Variants in WASL observed in about 807,000 individuals in gnomAD.
WASL encodes WASP like actin nucleation promoting factor.
In WASL, 20 loss-of-function variants were observed where a neutral mutation model predicts 55.5. The observed-to-expected ratio is 0.36, with a 90% confidence interval of 0.25 to 0.52. The LOEUF (loss-of-function observed/expected upper bound fraction) is 0.52. WASL is among the 20% of genes least tolerant of loss of function. The pLI is 0.92. For missense variants in WASL, 504 were observed against 622.5 expected (o/e 0.81, Z 2.03); for synonymous variants, 249 against 217.6 (o/e 1.14, Z -1.27).
chr7:123,730,718 C>G lies in WASL; in HGVS notation c.117+17900G>C, dbSNP rs143152986. Reference sequence around the variant, plus strand: ...ATCGTATGTGAATGGTCTAAATACACCAATTAAAAGAAGACTGTCAGAATG... The same window carrying G: ...ATCGTATGTGAATGGTCTAAATACAGCAATTAAAAGAAGACTGTCAGAATG... On this transcript the variant is annotated intron_variant, in intron 1 of 10. Transcript: ENST00000223023. 6.3e-3 allele frequency among the ~76,000 whole-genome samples: 964 copies of G among 152,248 alleles called. 9 individuals carry two copies. Among genetic ancestry groups the G allele is most frequent in the African/African-American group, 0.021 (892 of 41,534 alleles).
chr7:123,740,371 A>G (rs1383016917), intron 1 of WASL, among the ~76,000 whole-genome samples: 1 of 152,114 alleles, frequency 6.6e-6, no homozygotes, highest in Non-Finnish European at 1.5e-5. Flanking sequence ...ATGTTTTCTA[A>G]TTAGTTTTAC....
In WASL at chr7:123,706,776, A is replaced by G. The variant is rs752754944; in HGVS notation, c.303T>C (p.Asn101=). The change falls in exon 3 of 11, where the codon AAT becomes AAC. Residue 101 remains asparagine (N), a synonymous_variant. Transcript: ENST00000223023. ...EQELYNNFVY[N]SPRGYFHTFA... is the part of the protein sequence containing the mutation. Reference sequence around the variant, plus strand: ...AGGTATGAAAATATCCTCTAGGACTATTATATACAAAGTTATTGTATAGCT... The same window carrying G: ...AGGTATGAAAATATCCTCTAGGACTGTTATATACAAAGTTATTGTATAGCT... 1.9e-6 allele frequency: 3 copies of G among 1,581,440 alleles called. No individual in the cohort carries two copies. Among genetic ancestry groups the G allele is most frequent in the Non-Finnish European group, 1.7e-6 (2 of 1,169,394 alleles).
At chr7:123,689,295 A>C in intron 9 of WASL, 145 bp from the exon 10 acceptor site, 1 of 594,850 alleles carries the variant, frequency 1.7e-6, no homozygotes, top group Non-Finnish European at 2.9e-6. Flanking sequence ...AAGATTAATC[A>C]AATTAACAAG....
intron 1 of WASL, among the ~76,000 whole-genome samples, chr7:123,725,280 A>G (rs566950248): frequency 6.6e-6 from 1 of 152,352 alleles, no homozygotes; most frequent in South Asian, 2.1e-4. Context: ...ATGTTCTATT[A>G]AATTACTCAA....
intron 1 of WASL, among the ~76,000 whole-genome samples, chr7:123,725,105 T>C (rs1804019668): frequency 6.6e-6 from 1 of 152,206 alleles, no homozygotes; most frequent in Admixed American, 6.5e-5. Flanking sequence ...CCCACTAATT[T>C]TCAAAGTACA....
intron 10 of WASL, among the ~76,000 whole-genome samples, chr7:123,686,948 T>C (rs904620231): frequency 1.3e-5 from 2 of 152,136 alleles, no homozygotes; most frequent in Non-Finnish European, 1.5e-5. Context: ...AATTCAGACC[T>C]CTCCTGTGAC....
intron 1 of WASL, among the ~76,000 whole-genome samples, chr7:123,719,045 T>A (rs969377189): frequency 4.6e-5 from 7 of 152,230 alleles, no homozygotes; most frequent in African/African-American, 1.7e-4. Flanking sequence ...TCCACAGCGA[T>A]GTTCCACTAA....
chr7:123,726,174 G>A (rs191868725), intron 1 of WASL, among the ~76,000 whole-genome samples: 6 of 152,120 alleles, frequency 3.9e-5, no homozygotes, highest in African/African-American at 1.2e-4. Flanking sequence ...GAATGGGACA[G>A]GTCAGACTCC....
At chr7:123,699,082 G>A (rs1803535798) in intron 5 of WASL, among the ~76,000 whole-genome samples, 1 of 152,136 alleles carries the variant, frequency 6.6e-6, no homozygotes, top group Non-Finnish European at 1.5e-5. Context: ...AGAATTAGGA[G>A]TATCAGAATT....
chr7:123,748,068 A>C (rs1269888395), intron 1 of WASL, among the ~76,000 whole-genome samples: 1 of 152,044 alleles, frequency 6.6e-6, no homozygotes, highest in Non-Finnish European at 1.5e-5. Flanking sequence ...TTTAACGAAG[A>C]GCAATAACAT....
intron 1 of WASL, among the ~76,000 whole-genome samples, chr7:123,723,380 G>C (rs1803985843): frequency 6.6e-6 from 1 of 152,256 alleles, no homozygotes; most frequent in East Asian, 1.9e-4. Context: ...TCTCAGATTG[G>C]AGCTGTAACT....
At chr7:123,731,955 T>C (rs1804144298) in intron 1 of WASL, among the ~76,000 whole-genome samples, 1 of 151,546 alleles carries the variant, frequency 6.6e-6, no homozygotes, top group East Asian at 1.9e-4. Flanking sequence ...AACAGAGAAA[T>C]GAAAGTCAAT....
rs549174637 is a variant in WASL at position 123,714,381 on chromosome 7, G to A, written c.118-5158C>T. Among the ~76,000 whole-genome samples, 11 of 151,926 alleles carry A rather than the reference G, an allele frequency of 7.2e-5. No homozygotes were observed. The East Asian group carries it at 1.2e-3, about 16-fold the overall frequency. On this transcript the variant is annotated intron_variant, in intron 1 of 10. Coordinates refer to ENST00000223023, the MANE Select transcript of WASL (RefSeq NM_003941.4). ...GAGAAAACAAACAAAAACAGTACAC[G>A]TTTTAAAAAGAATATGGCAATGACA...
intron 1 of WASL, among the ~76,000 whole-genome samples, chr7:123,712,128 T>A (rs1803768658): frequency 6.6e-6 from 1 of 152,202 alleles, no homozygotes; most frequent in Non-Finnish European, 1.5e-5. Flanking sequence ...TAGGTTGAAA[T>A]GACTTTTATT....
In WASL at chr7:123,706,758, A is replaced by C. The variant is rs1381390480; in HGVS notation, c.321T>G (p.Phe107Leu). 2 of 1,575,952 alleles carry C rather than the reference A, an allele frequency of 1.3e-6. No homozygotes were observed. Among genetic ancestry groups the C allele is most frequent in the Non-Finnish European group, 1.7e-6 (2 of 1,166,820 alleles). The change falls in exon 3 of 11, where the codon TTT becomes TTG. Residue 107 changes from phenylalanine to leucine, a missense_variant. This residue lies in a region of WASL where 230 missense variants were observed against 271.9 expected (regional missense o/e 0.85). Coordinates refer to ENST00000223023, the MANE Select transcript of WASL (RefSeq NM_003941.4). ...NFVYNSPRGY[F>L]HTFAGDTCQV... The stretch of plus-strand genomic sequence containing the variant: ...GACTTACATCTCCAGCAAAGGTATG[A>C]AAATATCCTCTAGGACTATTATATA...
chr7:123,722,182 G>C (rs1468462264), intron 1 of WASL, among the ~76,000 whole-genome samples: 1 of 152,134 alleles, frequency 6.6e-6, no homozygotes, highest in East Asian at 1.9e-4. Flanking sequence ...AATAATCACA[G>C]ATGTCTACCA....
At chr7:123,727,117 A>C (rs1804058558) in intron 1 of WASL, among the ~76,000 whole-genome samples, 1 of 152,152 alleles carries the variant, frequency 6.6e-6, no homozygotes, top group Non-Finnish European at 1.5e-5. Context: ...ATATAATGAA[A>C]AGCCACACTG....
chr7:123,686,878 A>ACATAAC (rs1168836344), intron 10 of WASL, among the ~76,000 whole-genome samples: 1 of 152,178 alleles, frequency 6.6e-6, no homozygotes, highest in Non-Finnish European at 1.5e-5. Context: ...TATACCATAA[A>ACATAAC]CATAACCATA....
chr7:123,700,454 T>G (rs894911160), intron 5 of WASL, among the ~76,000 whole-genome samples: 8 of 151,942 alleles, frequency 5.3e-5, no homozygotes, highest in African/African-American at 1.9e-4. Context: ...CTCTTTTTTT[T>G]TTTTGAGATG....
Sources: allele counts gnomAD v4.1 joint callset (sites outside exome capture counted in the v4.1 genomes callset), GRCh38; gene constraint gnomAD v4.1.1; regional missense constraint gnomAD v4.1.1; transcripts MANE v1.5; gene names NCBI Gene and HGNC (gene_info 2026-07-23, HGNC 2026-07-21).